Variants in P2RY12 observed in about 807,000 individuals in gnomAD.
The protein encoded by P2RY12 is purinergic receptor P2Y12, also known as P2Y purinoceptor 12.
In P2RY12, 3 loss-of-function variants were observed where a neutral mutation model predicts 4.5. That is an observed-to-expected ratio of 0.67 (90% CI 0.31 to 1.74). The LOEUF (loss-of-function observed/expected upper bound fraction) is 1.74, where lower values mean the gene tolerates loss of function less well. Ranked by LOEUF, P2RY12 falls within the 40% of genes most tolerant of loss-of-function variation. P2RY12 has a pLI of 0.09. For missense variants in P2RY12, 356 were observed against 407.8 expected (o/e 0.87, Z 1.09); for synonymous variants, 148 against 154.1 (o/e 0.96, Z 0.29).
Position 151,337,433 on chromosome 3 carries a change from A to G in P2RY12, c.*384T>C, listed in dbSNP as rs1190754758. 2 of 204,044 alleles carry G rather than the reference A, an allele frequency of 9.8e-6. No individual in the cohort carries two copies. The highest frequency in any genetic ancestry group is 4.8e-5 in the African/African-American group (2 of 42,032). The allele number at this position is 204,044 out of a possible 1,614,324, so 12.6% of individuals were successfully genotyped here. ...ATTTTTGGTAAGAAGATTATATCCA[A>G]TTGATCGTTCTTCCTTAGTTGATTA... On this transcript the variant is annotated 3_prime_UTR_variant, in exon 3 of 3. Coordinates refer to ENST00000302632, the MANE Select transcript of P2RY12 (RefSeq NM_022788.5).
intron 1 of P2RY12, among the ~76,000 whole-genome samples, chr3:151,354,219 G>C (rs1046084036): frequency 4.2e-5 from 6 of 142,322 alleles, no homozygotes; most frequent in African/African-American, 1.0e-4. Context: ...TTTCCTTTTT[G>C]TTTTTAGATT....
intron 1 of P2RY12, among the ~76,000 whole-genome samples, chr3:151,369,144 A>C (rs1477654761): frequency 6.6e-6 from 1 of 152,232 alleles, no homozygotes; most frequent in African/African-American, 2.4e-5. Flanking sequence ...GATCATTTCC[A>C]TATAGATAGG....
chr3:151,360,575 A>C, intron 1 of P2RY12: 3 of 1,612,620 alleles, frequency 1.9e-6, no homozygotes, highest in Non-Finnish European at 2.5e-6. Flanking sequence ...TCATGTAGCC[A>C]CCTCAGAAGT....
In P2RY12 at chr3:151,362,121, C is replaced by T. The variant is rs1164416870; in HGVS notation, c.-179-21361G>A. On this transcript the variant is annotated intron_variant, in intron 1 of 2. Coordinates refer to ENST00000302632, the MANE Select transcript of P2RY12 (RefSeq NM_022788.5). ...CAAGCATCTCTAGAACCTGCCCATT[C>T]TTCACCCTCTCTTTACCGCTGTGGA... Among the ~76,000 whole-genome samples the T allele has an allele frequency of 2.0e-5, 3 of 151,964 alleles. No individual in the cohort carries two copies. The East Asian group carries it at 5.8e-4, about 29-fold the overall frequency.
At chr3:151,384,150 T>A (rs779442885) in intron 1 of P2RY12, 1 of 1,614,036 alleles carries the variant, frequency 6.2e-7, no homozygotes. Flanking sequence ...CTCTGACCTA[T>A]CAAATGCATC....
At position 151,337,705 on chromosome 3, in the gene P2RY12, A is replaced by G; in HGVS notation, c.*112T>C. ...CTTTTGTAATCTTCTGTTTCTTTAG[A>G]GTCATTATTATTAACTTAGTTGCTT... On this transcript the variant is annotated 3_prime_UTR_variant, in exon 3 of 3. Transcript: ENST00000302632. 1 of 1,051,348 alleles carries G rather than the reference A, an allele frequency of 9.5e-7. No homozygotes were observed. The highest frequency in any genetic ancestry group is 1.4e-6 in the Non-Finnish European group (1 of 712,622). The allele number at this position is 1,051,348 out of a possible 1,614,324, so 65.1% of individuals were successfully genotyped here. A position where few individuals can be genotyped will look rare whatever the true frequency, so the allele number is the denominator to read the frequency against.
chr3:151,355,913 A>G (rs776139714), intron 1 of P2RY12: 16 of 1,613,618 alleles, frequency 9.9e-6, no homozygotes, highest in Middle Eastern at 1.7e-4. Context: ...ACAATGTGCT[A>G]GAACAAATCA....
chr3:151,368,620 ATT>A (rs1374555998), intron 1 of P2RY12, among the ~76,000 whole-genome samples: 75 of 79,948 alleles, frequency 9.4e-4, no homozygotes, highest in African/African-American at 3.5e-3. Flanking sequence ...ATTTTATTTT[ATT>A]TTATTTTATT....
At chr3:151,382,579 T>C in intron 1 of P2RY12, 3 of 903,800 alleles carry the variant, frequency 3.3e-6, no homozygotes, top group Non-Finnish European at 4.9e-6. Flanking sequence ...GGTTTTTTGC[T>C]ATCAGTATAA....
At chr3:151,360,677 T>C (rs1754497914) in intron 1 of P2RY12, 1 of 1,387,764 alleles carries the variant, frequency 7.2e-7, no homozygotes, top group Non-Finnish European at 9.9e-7. Context: ...GACAATATTG[T>C]CATCCTTTTG....
At chr3:151,362,406 C>T (rs1327486181) in intron 1 of P2RY12, among the ~76,000 whole-genome samples, 1 of 152,038 alleles carries the variant, frequency 6.6e-6, no homozygotes, top group African/African-American at 2.4e-5. Context: ...TGATCAAACA[C>T]TCTAAGAACA....
intron 1 of P2RY12, among the ~76,000 whole-genome samples, chr3:151,362,315 CT>C (rs1244803502): frequency 6.6e-6 from 1 of 152,098 alleles, no homozygotes; most frequent in Non-Finnish European, 1.5e-5. Flanking sequence ...CCATCCCTAC[CT>C]AGCCTTCAAG....
rs371692394 is a variant in P2RY12 at position 151,377,191 on chromosome 3, G to A, written c.-180+7501C>T. On this transcript the variant is annotated intron_variant, in intron 1 of 2. Transcript: ENST00000302632. ...AGACATTCCTAAGGTATTTTTGTCT[G>A]TTGTTTTATTGAACTGTCATGAATT... The A allele has an allele frequency of 4.4e-6, 7 of 1,596,714 alleles. No individual in the cohort carries two copies. In the African/African-American group the frequency reaches 9.4e-5, roughly 21 times the overall value.
At chr3:151,381,472 T>G (rs1712327632) in intron 1 of P2RY12, among the ~76,000 whole-genome samples, 2 of 152,346 alleles carry the variant, frequency 1.3e-5, no homozygotes, top group South Asian at 4.1e-4. Flanking sequence ...CCTCCATGGT[T>G]GTTGCACTGG....
At chr3:151,382,262 G>A (rs1469950097) in intron 1 of P2RY12, among the ~76,000 whole-genome samples, 1 of 152,008 alleles carries the variant, frequency 6.6e-6, no homozygotes, top group Non-Finnish European at 1.5e-5. Context: ...CATTTGCTAG[G>A]GTTCAGCAAG....
At chr3:151,373,421 C>G (rs1473924799) in intron 1 of P2RY12, among the ~76,000 whole-genome samples, 1 of 152,120 alleles carries the variant, frequency 6.6e-6, no homozygotes, top group Non-Finnish European at 1.5e-5. Context: ...TAATTTTCCC[C>G]TTGCAGTAAG....
chr3:151,379,856 G>A (rs1458762445), intron 1 of P2RY12, among the ~76,000 whole-genome samples: 1 of 152,190 alleles, frequency 6.6e-6, no homozygotes, highest in East Asian at 1.9e-4. Context: ...CTCACTGCCC[G>A]GCATGCTCAC....
intron 1 of P2RY12, among the ~76,000 whole-genome samples, chr3:151,367,034 T>A (rs571669066): frequency 6.6e-6 from 1 of 152,298 alleles, no homozygotes; most frequent in Non-Finnish European, 1.5e-5. Flanking sequence ...TGTAGTTGTT[T>A]TTCTTATTAT....
At chr3:151,356,376 T>TGCAA (rs1208264649) in intron 1 of P2RY12, among the ~76,000 whole-genome samples, 2 of 151,968 alleles carry the variant, frequency 1.3e-5, no homozygotes, top group African/African-American at 2.4e-5. Flanking sequence ...TATGGGACAG[T>TGCAA]GCAAGGCCCT....
Sources: allele counts gnomAD v4.1 joint callset (sites outside exome capture counted in the v4.1 genomes callset), GRCh38; gene constraint gnomAD v4.1.1; transcripts MANE v1.5; gene names NCBI Gene and HGNC (gene_info 2026-07-23, HGNC 2026-07-21).